Variants in AMMECR1 observed in about 807,000 individuals in gnomAD.
The protein encoded by AMMECR1 is nuclear protein AMMECR1.
AMMECR1 carries 3 observed loss-of-function variants against 22.5 expected under a neutral mutation model. That is an observed-to-expected ratio of 0.13 (90% CI 0.06 to 0.35). The LOEUF (loss-of-function observed/expected upper bound fraction) is 0.35, where lower values mean the gene tolerates loss of function less well. AMMECR1 is among the 10% of genes least tolerant of loss of function. The pLI, the probability that AMMECR1 is intolerant of heterozygous loss-of-function variation, is 1.00. For synonymous variants in AMMECR1, 130 were observed against 116.7 expected (o/e 1.11, Z -0.74); for missense variants, 235 against 278.7 (o/e 0.84, Z 1.12).
At chrX:110,346,671 T>C (rs1209985001) in intron 2 of AMMECR1, 2 of 596,970 alleles carry the variant, frequency 3.4e-6, no homozygotes, top group African/African-American at 4.4e-5. Context: ...TCATAAGAAG[T>C]GGTTTGGGAA....
intron 1 of AMMECR1, among the ~76,000 whole-genome samples, chrX:110,291,115 G>T (rs1042981930): frequency 1.8e-5 from 2 of 111,791 alleles, no homozygotes; most frequent in African/African-American, 6.5e-5. Flanking sequence ...TATGTAGATT[G>T]ATAATAGTGG....
rs751709821 is a variant in AMMECR1 at position 110,198,460 on chromosome X, G to A, written c.*60C>T. 82 of 740,584 alleles carry A rather than the reference G, an allele frequency of 1.1e-4. No individual in the cohort carries two copies. Among genetic ancestry groups the A allele is most frequent in the Non-Finnish European group, 1.5e-4 (78 of 514,294 alleles). 61.0% of individuals were successfully genotyped at this position (740,584 alleles called of 1,213,427 possible). On this transcript the variant is annotated 3_prime_UTR_variant, in exon 6 of 6. Transcript: ENST00000262844. ...AAAGAGATAGCTAGACCAAGAAGGTGTAGGGTCTCCTGGGAAGAGGTCTGC... is the reference window on the plus strand; with the variant it reads ...AAAGAGATAGCTAGACCAAGAAGGTATAGGGTCTCCTGGGAAGAGGTCTGC...
At chrX:110,208,113 CAACT>C (rs773607322) in intron 3 of AMMECR1, among the ~76,000 whole-genome samples, 17 of 112,328 alleles carry the variant, frequency 1.5e-4, no homozygotes, top group Non-Finnish European at 2.6e-4. Context: ...TCTCCTGAAC[CAACT>C]GAGATACCAC....
intron 2 of AMMECR1, among the ~76,000 whole-genome samples, chrX:110,353,868 A>G (rs56249803): frequency 9.0e-6 from 1 of 111,548 alleles, no homozygotes; most frequent in East Asian, 2.8e-4. Flanking sequence ...CAGTGTTTCT[A>G]TATACTAACA....
At chrX:110,230,809 A>G (rs897528712) in intron 2 of AMMECR1, among the ~76,000 whole-genome samples, 2 of 111,914 alleles carry the variant, frequency 1.8e-5, no homozygotes, top group Non-Finnish European at 3.8e-5. Context: ...ATGGCTAACT[A>G]GAATAAACAG....
intron 3 of AMMECR1, among the ~76,000 whole-genome samples, chrX:110,211,633 A>G (rs770914126): frequency 1.8e-5 from 2 of 112,675 alleles, no homozygotes; most frequent in African/African-American, 6.4e-5. Flanking sequence ...TCCGTGTTCA[A>G]ACACAAAGCA....
intron 1 of AMMECR1, among the ~76,000 whole-genome samples, chrX:110,295,841 C>G (rs997453593): frequency 8.9e-6 from 1 of 111,850 alleles, no homozygotes; most frequent in African/African-American, 3.2e-5. Flanking sequence ...CCTCCCTCCC[C>G]CTATGTGCTA....
At chrX:110,331,003 C>A (rs934215835) in intron 2 of AMMECR1, among the ~76,000 whole-genome samples, 2 of 110,469 alleles carry the variant, frequency 1.8e-5, no homozygotes, top group African/African-American at 6.6e-5. Flanking sequence ...ACAAGAATGG[C>A]CCTATCTTGT....
intron 1 of AMMECR1, among the ~76,000 whole-genome samples, chrX:110,296,088 C>T (rs919227172): frequency 8.9e-6 from 1 of 112,114 alleles, no homozygotes; most frequent in Non-Finnish European, 1.9e-5. Flanking sequence ...CATATTTCTT[C>T]CAAAACAGGT....
At chrX:110,252,488 G>A (rs2067691074) in intron 2 of AMMECR1, among the ~76,000 whole-genome samples, 1 of 111,090 alleles carries the variant, frequency 9.0e-6, no homozygotes, top group Admixed American at 9.6e-5. Context: ...CTATTTTTGC[G>A]AGTATTTAAA....
chrX:110,202,393 T>C, intron 4 of AMMECR1, 53 bp downstream of exon 4: 4 of 957,926 alleles, frequency 4.2e-6, no homozygotes, highest in Non-Finnish European at 6.0e-6. Context: ...TTTCAGTTTG[T>C]ATATTTGTTT....
intron 2 of AMMECR1, among the ~76,000 whole-genome samples, chrX:110,227,857 G>A (rs907485076): frequency 3.6e-5 from 4 of 111,996 alleles, no homozygotes; most frequent in African/African-American, 1.3e-4. Flanking sequence ...TTCGTGGAGT[G>A]GATGGGTGAT....
chrX:110,372,379 C>T (rs912898190), intron 2 of AMMECR1, among the ~76,000 whole-genome samples: 8 of 112,317 alleles, frequency 7.1e-5, no homozygotes, highest in Admixed American at 1.9e-4. Context: ...TCTTCACATC[C>T]GTGCTGGAAG....
chrX:110,404,571 T>G (rs752422130), intron 2 of AMMECR1, among the ~76,000 whole-genome samples: 7 of 112,093 alleles, frequency 6.2e-5, no homozygotes, highest in Non-Finnish European at 9.4e-5. Context: ...AAGCAACAGG[T>G]AACACATGCA....
At chrX:110,412,792 T>C (rs1381954517) in intron 2 of AMMECR1, among the ~76,000 whole-genome samples, 3 of 112,175 alleles carry the variant, frequency 2.7e-5, no homozygotes, top group African/African-American at 9.7e-5. Context: ...AGAGTAAGTA[T>C]AGTAGGATCT....
chrX:110,245,791 A>G (rs2067655683), intron 2 of AMMECR1, among the ~76,000 whole-genome samples: 1 of 110,902 alleles, frequency 9.0e-6, no homozygotes, highest in Admixed American at 9.7e-5. Context: ...TGGTCCTCCC[A>G]AAGTTTTCAG....
At chrX:110,297,644 T>C (rs915897216) in intron 1 of AMMECR1, among the ~76,000 whole-genome samples, 2 of 112,051 alleles carry the variant, frequency 1.8e-5, no homozygotes, top group African/African-American at 6.5e-5. Context: ...TTGGAAGCTT[T>C]TGGTTAATTT....
intron 2 of AMMECR1, among the ~76,000 whole-genome samples, chrX:110,398,700 A>G (rs1458641616): frequency 8.9e-6 from 1 of 112,171 alleles, no homozygotes; most frequent in African/African-American, 3.2e-5. Context: ...CCGACTCATT[A>G]TATTGGAAGT....
At chrX:110,251,904 A>C (rs756529919) in intron 2 of AMMECR1, among the ~76,000 whole-genome samples, 173 of 112,088 alleles carry the variant, frequency 1.5e-3, no homozygotes, top group African/African-American at 5.1e-3. Context: ...ACATGTGTCC[A>C]AGAGAAAAAG....
Sources: gnomAD v4.1 joint callset for allele counts (sites outside exome capture counted in the v4.1 genomes callset) on GRCh38, gnomAD v4.1.1 for gene constraint, MANE v1.5 for transcripts, NCBI Gene and HGNC (gene_info 2026-07-23, HGNC 2026-07-21) for gene names.